RASA1: variants seen among roughly 807,000 people sequenced by gnomAD.
RASA1 encodes the protein ras GTPase-activating protein 1.
Under a neutral mutation model 132.2 loss-of-function variants are expected in RASA1, and 25 were observed. The observed-to-expected ratio is 0.19, with a 90% CI of 0.14 to 0.26. The LOEUF is 0.26. RASA1 is among the 10% of genes least tolerant of loss of function. RASA1 has a pLI of 1.00. For missense variants in RASA1, 964 were observed against 1,299.2 expected (o/e 0.74, Z 3.97); for synonymous variants, 477 against 449.9 (o/e 1.06, Z -0.76).
chr5:87,287,465 TACAC>T (rs1286251167), intron 1 of RASA1, among the ~76,000 whole-genome samples: 1 of 146,490 alleles, frequency 6.8e-6, no homozygotes, highest in African/African-American at 2.5e-5. Context: ...ACCATATATA[TACAC>T]ACCATATATA....
At chr5:87,362,731 G>A (rs918329271) in intron 10 of RASA1, 60 bp downstream of exon 10, 13 of 1,541,462 alleles carry the variant, frequency 8.4e-6, no homozygotes, top group South Asian at 1.1e-5. Flanking sequence ...ATGGAGCTCC[G>A]AACTTATTGT....
intron 1 of RASA1, among the ~76,000 whole-genome samples, chr5:87,280,593 G>A (rs1754272874): frequency 6.6e-6 from 1 of 152,144 alleles, no homozygotes; most frequent in Non-Finnish European, 1.5e-5. Context: ...GATTACAAGC[G>A]TGAGCCACCT....
intron 6 of RASA1, among the ~76,000 whole-genome samples, chr5:87,341,649 TC>T (rs1758471962): frequency 6.6e-6 from 1 of 152,134 alleles, no homozygotes; most frequent in African/African-American, 2.4e-5. Flanking sequence ...TCATAGTATT[TC>T]TTGTTTTATA....
intron 13 of RASA1, among the ~76,000 whole-genome samples, chr5:87,373,791 TTTTAA>T (rs1289091565): frequency 2.0e-5 from 3 of 152,166 alleles, no homozygotes; most frequent in East Asian, 3.8e-4. Flanking sequence ...ACATACGGGA[TTTTAA>T]TTTGAGTAGT....
chr5:87,338,416 C>T (rs1039358357), intron 5 of RASA1, among the ~76,000 whole-genome samples: 1 of 148,768 alleles, frequency 6.7e-6, no homozygotes, highest in Non-Finnish European at 1.5e-5. Context: ...ACTGCAACCT[C>T]CACCTCCCAG....
At chr5:87,292,411 C>G (rs1754949210) in intron 1 of RASA1, among the ~76,000 whole-genome samples, 1 of 147,826 alleles carries the variant, frequency 6.8e-6, no homozygotes, top group East Asian at 2.0e-4. Flanking sequence ...GTTGTGCCAG[C>G]ACTGTTTGTT....
intron 1 of RASA1, among the ~76,000 whole-genome samples, chr5:87,285,004 C>G (rs772777497): frequency 4.6e-5 from 7 of 151,738 alleles, no homozygotes; most frequent in African/African-American, 9.7e-5. Context: ...AATCATACAA[C>G]TTTTAAAGTG....
At chr5:87,377,142 A>T (rs1490004950) in intron 17 of RASA1, 102 bp downstream of exon 17, 5 of 1,411,202 alleles carry the variant, frequency 3.5e-6, no homozygotes, top group Non-Finnish European at 4.9e-6. Flanking sequence ...GTTAAATTAT[A>T]TTGCAAAATA....
At chr5:87,356,584 C>G (rs764191575) in intron 9 of RASA1, among the ~76,000 whole-genome samples, 4 of 152,024 alleles carry the variant, frequency 2.6e-5, no homozygotes, top group Non-Finnish European at 5.9e-5. Context: ...GAGTCTTGCT[C>G]TGTTGCCCAG....
Position 87,379,809 on chromosome 5 carries a change from G to C in RASA1, c.2562G>C (p.Glu854Asp), listed in dbSNP as rs1055788467. 1.2e-6 allele frequency: 2 copies of C among 1,612,908 alleles called. No homozygotes were observed. The highest frequency in any genetic ancestry group is 1.7e-6 in the Non-Finnish European group (2 of 1,179,180). Residue 854 changes from glutamate to aspartate, a missense_variant, in exon 19 of 25, where the codon GAG (glutamate) becomes GAC (aspartate). Physicochemically the swap from Glu to Asp is conservative, Grantham distance 45 (BLOSUM62 2). Coordinates refer to ENST00000274376, the MANE Select transcript of RASA1 (RefSeq NM_002890.3). ...CACACCTATTGAACATACTTTCAGA[G>C]CTTGTGGAGAAAATATTCATGGCTT... ...NLTHLLNILS[E>D]LVEKIFMASE...
chr5:87,345,863 T>G (rs1019237190), intron 6 of RASA1, among the ~76,000 whole-genome samples: 4 of 152,086 alleles, frequency 2.6e-5, no homozygotes, highest in African/African-American at 4.8e-5. Flanking sequence ...TGATCGGGAA[T>G]TGTCAGCCTG....
At chr5:87,298,849 T>C (rs1284680415) in intron 1 of RASA1, among the ~76,000 whole-genome samples, 2 of 152,192 alleles carry the variant, frequency 1.3e-5, no homozygotes, top group Non-Finnish European at 2.9e-5. Context: ...TTAACAAGTG[T>C]CAGCTGTTTT....
intron 1 of RASA1, among the ~76,000 whole-genome samples, chr5:87,293,390 C>T (rs765705944): frequency 3.3e-5 from 5 of 151,994 alleles, no homozygotes; most frequent in Non-Finnish European, 5.9e-5. Context: ...TTCACCCTGA[C>T]GTGATTGATT....
In RASA1 at chr5:87,268,678, C is replaced by A; in HGVS notation, c.227C>A (p.Ser76Tyr). 6.2e-7 allele frequency: 1 copy of A among 1,611,556 alleles called. No individual in the cohort carries two copies. Residue 76 changes from serine (S) to tyrosine (Y), a missense_variant, in exon 1 of 25, where the codon TCT becomes TAT. By Grantham distance (144) the Ser-to-Tyr change is moderately radical (BLOSUM62 -2). Around this residue, in one of 6 missense-constraint regions of RASA1, gnomAD observed 326 missense variants for 275.8 expected, o/e 1.18. Coordinates refer to ENST00000274376, the MANE Select transcript of RASA1 (RefSeq NM_002890.3). ...GGGTCAGAGTTCCTAGGAGCCGGGT[C>A]TGTGGCAGGGGCACTGGGGGGAGCT... The part of the protein sequence containing the change: ...ALGSEFLGAG[S>Y]VAGALGGAGL...
chr5:87,382,418 G>A (rs897510908), intron 20 of RASA1, among the ~76,000 whole-genome samples: 21 of 152,186 alleles, frequency 1.4e-4, no homozygotes, highest in East Asian at 5.8e-4. Context: ...AAGGAATTGC[G>A]TAACTCATTA....
chr5:87,335,314 A>C (rs1264280512), intron 4 of RASA1, among the ~76,000 whole-genome samples: 2 of 151,868 alleles, frequency 1.3e-5, no homozygotes, highest in East Asian at 3.9e-4. Flanking sequence ...TTGAGTTTTG[A>C]GTAAAAATTT....
Position 87,378,534 on chromosome 5 carries a change from G to A in RASA1, c.2483G>A (p.Cys828Tyr). The change falls in exon 18 of 25, where the codon TGT (cysteine) becomes TAT (tyrosine). Residue 828 changes from cysteine (C) to tyrosine (Y), a missense_variant. This residue lies in a region of RASA1 where 346 missense variants were observed against 520.1 expected (regional missense o/e 0.67). Coordinates refer to ENST00000274376, the MANE Select transcript of RASA1 (RefSeq NM_002890.3). ...ILKIMESKQSCELSPSKLEKN... is the reference protein window; with the variant it reads ...ILKIMESKQSYELSPSKLEKN... ...AAGATAATGGAAAGCAAGCAGTCTT[G>A]TGAGGTAAGAATTTAATGTTTTAAT... is the stretch of plus-strand genomic sequence containing the variant. 6.2e-7 allele frequency: 1 copy of A among 1,607,230 alleles called. No homozygotes were observed. Among genetic ancestry groups the A allele is most frequent in the South Asian group, 1.1e-5 (1 of 90,940 alleles).
intron 12 of RASA1, 104 bp downstream of exon 12, chr5:87,370,004 G>A: frequency 7.3e-6 from 7 of 957,056 alleles, no homozygotes; most frequent in Middle Eastern, 2.1e-4. Context: ...GTGACAGAAC[G>A]CCTGAAATCT....
In RASA1 at chr5:87,357,164, A is replaced by AT. The variant is rs994726740; in HGVS notation, c.1332+3939dup. Among the ~76,000 whole-genome samples the AT allele has an allele frequency of 7.3e-3, 1,098 of 150,002 alleles. 14 individuals carry two copies. Among genetic ancestry groups the AT allele is most frequent in the African/African-American group, 0.024 (973 of 40,994 alleles). ...TCCATCTTGTTTCACTTTTTGAGTA[A>AT]TTTTTTTTTTATTACCGCAGAGTAA... is the stretch of plus-strand genomic sequence containing the variant. On this transcript the variant is annotated intron_variant, in intron 9 of 24. Transcript: ENST00000274376.
Sources: gnomAD v4.1 joint callset for allele counts (sites outside exome capture counted in the v4.1 genomes callset) on GRCh38, gnomAD v4.1.1 for gene constraint, gnomAD v4.1.1 regional missense constraint, MANE v1.5 for transcripts, NCBI Gene and HGNC (gene_info 2026-07-23, HGNC 2026-07-21) for gene names.